The following TPGS2 variants were observed in gnomAD, a reference collection of about 807,000 sequenced individuals.
The protein encoded by TPGS2 is tubulin polyglutamylase complex subunit 2, also known as polyglutamylase subunit 2.
Under a neutral mutation model 31.1 loss-of-function variants are expected in TPGS2, and 26 were observed. The ratio of observed to expected loss-of-function variants is 0.84; its 90% confidence interval spans 0.61 to 1.16. The LOEUF is 1.16. TPGS2 is among the 50% of genes most tolerant of loss of function. TPGS2 has a pLI of 0.00. For missense variants in TPGS2, 351 were observed against 363.8 expected (o/e 0.96, Z 0.29); for synonymous variants, 130 against 136.6 (o/e 0.95, Z 0.34).
chr18:36,821,743 A>G (rs1437242106), intron 1 of TPGS2, among the ~76,000 whole-genome samples: 1 of 152,218 alleles, frequency 6.6e-6, no homozygotes, highest in African/African-American at 2.4e-5. Flanking sequence ...ACAAAGACTG[A>G]GTGAGTGATA....
At chr18:36,825,030 T>A (rs959007627) in intron 1 of TPGS2, among the ~76,000 whole-genome samples, 3 of 152,176 alleles carry the variant, frequency 2.0e-5, no homozygotes, top group African/African-American at 7.2e-5. Context: ...AATTTTTGTA[T>A]ATAATTTGAG....
rs202153916 is a variant in TPGS2 at position 36,796,853 on chromosome 18, G to C, written c.855C>G (p.Ser285=). ...AGCCAGAGGAGGATTTAGAAGTGGA[G>C]GAAGTGGAGGGACCGGAGGGTCCTG... ...GPSGPSGPST[S]STSKSSSGSG... Residue 285 remains serine (S), a synonymous_variant, in exon 7 of 7, where the codon TCC becomes TCG. Coordinates refer to ENST00000334295, the MANE Select transcript of TPGS2 (RefSeq NM_015476.4). The C allele has an allele frequency of 8.7e-6, 14 of 1,607,170 alleles. No individual in the cohort carries two copies. In the East Asian group the frequency reaches 2.9e-4, roughly 33 times the overall value.
intron 3 of TPGS2, among the ~76,000 whole-genome samples, chr18:36,807,102 G>A (rs1568014304): frequency 6.6e-6 from 1 of 151,942 alleles, no homozygotes; most frequent in Non-Finnish European, 1.5e-5. Flanking sequence ...GACAATAATG[G>A]ACTGGAGGGG....
chr18:36,823,457 CTTG>C (rs2045982231), intron 1 of TPGS2, among the ~76,000 whole-genome samples: 1 of 107,112 alleles, frequency 9.3e-6, no homozygotes, highest in East Asian at 2.3e-4. Flanking sequence ...TTGTTAACAG[CTTG>C]TTTTTTTTTT....
chr18:36,786,881 G>A (rs2044143995), intron 6 of TPGS2: 18 of 1,234,204 alleles, frequency 1.5e-5, no homozygotes, highest in Non-Finnish European at 1.8e-5. Flanking sequence ...AGGAATGATT[G>A]CGACACTGTT....
In TPGS2 at chr18:36,802,430, G is replaced by A. The variant is rs536886038; in HGVS notation, c.383-2119C>T. On this transcript the variant is annotated intron_variant, in intron 4 of 6. Transcript: ENST00000334295. ...CAGAGTACAGAGTATTACCTGCAGA[G>A]TCTTGCTCTGGTAAAAGAGATTCTG... 4.6e-5 allele frequency among the ~76,000 whole-genome samples: 7 copies of A among 152,052 alleles called. No individual in the cohort carries two copies. The East Asian group carries it at 9.7e-4, about 21-fold the overall frequency.
downstream of TPGS2, chr18:36,781,983 G>A (rs1401840954): frequency 1.0e-6 from 1 of 960,524 alleles, no homozygotes; most frequent in Non-Finnish European, 1.2e-6. Flanking sequence ...TAAATAACAG[G>A]TACAATATTC....
chr18:36,782,035 T>G (rs1234232572), downstream of TPGS2: 2 of 704,168 alleles, frequency 2.8e-6, no homozygotes, highest in Admixed American at 1.3e-4. Context: ...CGCCTATTGC[T>G]TGGCACTGAA....
downstream of TPGS2, among the ~76,000 whole-genome samples, chr18:36,782,565 G>C (rs1279061590): frequency 6.6e-6 from 1 of 152,062 alleles, no homozygotes; most frequent in African/African-American, 2.4e-5. Context: ...AAATCACTGG[G>C]TATTTTTTTT....
chr18:36,825,389 AC>A (rs1484912559), intron 1 of TPGS2, among the ~76,000 whole-genome samples: 3 of 148,060 alleles, frequency 2.0e-5, no homozygotes, highest in Non-Finnish European at 4.4e-5. Context: ...TGAAGAGCAC[AC>A]CACTGCACTC....
intron 4 of TPGS2, among the ~76,000 whole-genome samples, chr18:36,800,766 T>C (rs1477733120): frequency 3.3e-5 from 5 of 151,890 alleles, no homozygotes; most frequent in Non-Finnish European, 7.4e-5. Flanking sequence ...CTCGGCTCAC[T>C]GCAACCTCCA....
chr18:36,781,242 C>T (rs2044004833), downstream of TPGS2, among the ~76,000 whole-genome samples: 1 of 152,208 alleles, frequency 6.6e-6, no homozygotes, highest in African/African-American at 2.4e-5. Context: ...CCTGGGGTCA[C>T]ATGGTTCCCT....
chr18:36,823,460 G>GTTTT (rs919277214), intron 1 of TPGS2, among the ~76,000 whole-genome samples: 5 of 108,110 alleles, frequency 4.6e-5, no homozygotes, highest in South Asian at 2.8e-4. Context: ...TTAACAGCTT[G>GTTTT]TTTTTTTTTT....
chr18:36,828,779 G>A lies in TPGS2; in HGVS notation c.-12C>T. Reference sequence around the variant, plus strand: ...GCCTCCTCCTCCATGGCTCGCGACCGCGATTCGCGCGCGGCGGGAGCGGGT... The same window carrying A: ...GCCTCCTCCTCCATGGCTCGCGACCACGATTCGCGCGCGGCGGGAGCGGGT... On this transcript the variant is annotated 5_prime_UTR_variant, in exon 1 of 7. Coordinates refer to ENST00000334295, the MANE Select transcript of TPGS2 (RefSeq NM_015476.4). The A allele has an allele frequency of 6.2e-7, 1 of 1,612,126 alleles. No individual in the cohort carries two copies. The highest frequency in any genetic ancestry group is 8.5e-7 in the Non-Finnish European group (1 of 1,179,360).
intron 2 of TPGS2, among the ~76,000 whole-genome samples, chr18:36,810,997 A>T (rs1362484537): frequency 6.6e-6 from 1 of 152,206 alleles, no homozygotes; most frequent in Non-Finnish European, 1.5e-5. Flanking sequence ...ATGCAGGATC[A>T]GGTCAGCATA....
chr18:36,804,274 A>C (rs1484860251), intron 4 of TPGS2, among the ~76,000 whole-genome samples: 1 of 152,202 alleles, frequency 6.6e-6, no homozygotes, highest in African/African-American at 2.4e-5. Context: ...AGGTGTCGGA[A>C]GGCCAAGTGG....
chr18:36,803,036 G>C (rs1407764035), intron 4 of TPGS2, among the ~76,000 whole-genome samples: 1 of 151,810 alleles, frequency 6.6e-6, no homozygotes, highest in Admixed American at 6.6e-5. Context: ...TATTGATGGA[G>C]AACAACACGC....
chr18:36,788,591 T>C (rs950586445), intron 6 of TPGS2: 2 of 152,246 alleles, frequency 1.3e-5, no homozygotes, highest in Admixed American at 1.3e-4. Context: ...TCAGGCTGTT[T>C]ATGCCCCTGC....
chr18:36,791,497 G>A (rs1210917121), downstream of TPGS2, among the ~76,000 whole-genome samples: 1 of 152,178 alleles, frequency 6.6e-6, no homozygotes, highest in Non-Finnish European at 1.5e-5. Context: ...TAACAGCACA[G>A]GAGGAGACCA....
Sources: gnomAD v4.1 joint callset for allele counts (sites outside exome capture counted in the v4.1 genomes callset) on GRCh38, gnomAD v4.1.1 for gene constraint, MANE v1.5 for transcripts, NCBI Gene and HGNC (gene_info 2026-07-23, HGNC 2026-07-21) for gene names.